Variants in SPIDR observed in about 807,000 individuals in gnomAD.
SPIDR encodes scaffold protein involved in DNA repair, also known as DNA repair-scaffolding protein.
Under a neutral mutation model 104.6 loss-of-function variants are expected in SPIDR, and 93 were observed. That is an observed-to-expected ratio of 0.89 (90% CI 0.75 to 1.06). The LOEUF is 1.06. Ranked by LOEUF, SPIDR falls within the 50% of genes least tolerant of loss-of-function variation. The pLI is 0.00. For synonymous variants in SPIDR, 431 were observed against 416.9 expected, an observed-to-expected ratio of 1.03 and a Z score of -0.41; for missense variants, 1,154 against 1,111.2, an observed-to-expected ratio of 1.04 and a Z score of -0.55.
At chr8:47,387,200 A>C (rs2060055144) in intron 5 of SPIDR, among the ~76,000 whole-genome samples, 1 of 152,228 alleles carries the variant, frequency 6.6e-6, no homozygotes, top group South Asian at 2.1e-4. Context: ...AAAGCACGTC[A>C]GAAGCGCTGG....
chr8:47,399,044 G>A (rs1563849311), intron 6 of SPIDR, among the ~76,000 whole-genome samples: 1 of 152,234 alleles, frequency 6.6e-6, no homozygotes, highest in Non-Finnish European at 1.5e-5. Flanking sequence ...ACAGCACGAT[G>A]GAACTCTGGA....
chr8:47,481,364 C>T (rs1015850907), intron 8 of SPIDR, among the ~76,000 whole-genome samples: 3 of 152,204 alleles, frequency 2.0e-5, no homozygotes, highest in Admixed American at 6.5e-5. Flanking sequence ...TGGCCAGATG[C>T]GTTGGCTCAT....
At chr8:47,401,586 C>A (rs1554662881) in intron 6 of SPIDR, among the ~76,000 whole-genome samples, 1 of 152,044 alleles carries the variant, frequency 6.6e-6, no homozygotes, top group Non-Finnish European at 1.5e-5. Flanking sequence ...TTCAGGAAAC[C>A]CATCTCACGT....
In SPIDR at chr8:47,432,305, G is replaced by C. The variant is rs555805529; in HGVS notation, c.878-8018G>C. On this transcript the variant is annotated intron_variant, in intron 7 of 19. Transcript: ENST00000297423. ...CGTCATTTGGATTTGATTTTGGAAT[G>C]TTTTATTTGTTTTTCTCTTTGGAGC... Among the ~76,000 whole-genome samples the C allele has an allele frequency of 7.2e-5, 11 of 152,272 alleles. No homozygotes were observed. The South Asian group carries it at 2.3e-3, about 32-fold the overall frequency.
At chr8:47,618,193 T>A (rs1359211221) in intron 10 of SPIDR, among the ~76,000 whole-genome samples, 1 of 152,194 alleles carries the variant, frequency 6.6e-6, no homozygotes, top group Non-Finnish European at 1.5e-5. Context: ...GGCTGGATTT[T>A]TTTTTTAAGT....
intron 5 of SPIDR, among the ~76,000 whole-genome samples, chr8:47,392,138 C>G (rs1354181818): frequency 6.6e-6 from 1 of 152,012 alleles, no homozygotes; most frequent in Non-Finnish European, 1.5e-5. Flanking sequence ...CTAACATTTG[C>G]TAAATGCTTA....
intron 11 of SPIDR, among the ~76,000 whole-genome samples, chr8:47,678,948 CCCCAGTGGGATT>C (rs2076770247): frequency 6.6e-6 from 1 of 152,102 alleles, no homozygotes; most frequent in African/African-American, 2.4e-5. Flanking sequence ...CCTTTGTAGC[CCCCAGTGGGATT>C]CCCAGCCCAC....
At chr8:47,263,375 T>C (rs2033032377) in intron 1 of SPIDR, among the ~76,000 whole-genome samples, 1 of 152,260 alleles carries the variant, frequency 6.6e-6, no homozygotes, top group South Asian at 2.1e-4. Context: ...AGTTCTCCCA[T>C]TTCTGCTGAT....
At chr8:47,408,618 A>C (rs1376326336) in intron 7 of SPIDR, among the ~76,000 whole-genome samples, 13 of 152,194 alleles carry the variant, frequency 8.5e-5, no homozygotes, top group African/African-American at 2.4e-4. Flanking sequence ...AAAAGAGATA[A>C]AAGATATCCA....
intron 16 of SPIDR, among the ~76,000 whole-genome samples, chr8:47,714,271 C>T (rs1197696191): frequency 5.3e-5 from 8 of 152,010 alleles, no homozygotes; most frequent in East Asian, 1.9e-4. Context: ...GCAGGTTGAG[C>T]GATGAATTGG....
intron 8 of SPIDR, among the ~76,000 whole-genome samples, chr8:47,550,348 A>G (rs1240823291): frequency 6.6e-6 from 1 of 152,170 alleles, no homozygotes; most frequent in Non-Finnish European, 1.5e-5. Flanking sequence ...TCTATAAATT[A>G]CCTTGGGCAG....
chr8:47,588,364 T>G (rs2060560883), intron 8 of SPIDR, among the ~76,000 whole-genome samples: 1 of 151,646 alleles, frequency 6.6e-6, no homozygotes, highest in South Asian at 2.1e-4. Context: ...GGTATGTTTT[T>G]CCCATTTTGG....
intron 16 of SPIDR, among the ~76,000 whole-genome samples, chr8:47,716,556 A>G (rs1467744543): frequency 6.6e-6 from 1 of 152,156 alleles, no homozygotes; most frequent in East Asian, 1.9e-4. Flanking sequence ...GCCTCAAAAC[A>G]CTGTTGAGAA....
chr8:47,402,075 T>C (rs142354110), intron 6 of SPIDR, among the ~76,000 whole-genome samples: 1 of 152,116 alleles, frequency 6.6e-6, no homozygotes, highest in African/African-American at 2.4e-5. Context: ...ATTCACCACA[T>C]AGTTGGAAGT....
At chr8:47,445,070 T>C (rs1220005270) in intron 8 of SPIDR, among the ~76,000 whole-genome samples, 1 of 152,206 alleles carries the variant, frequency 6.6e-6, no homozygotes, top group East Asian at 1.9e-4. Context: ...AACCTCATAG[T>C]AGAGTCTCTG....
At chr8:47,632,894 A>G (rs929831766) in intron 10 of SPIDR, among the ~76,000 whole-genome samples, 8 of 152,240 alleles carry the variant, frequency 5.3e-5, no homozygotes, top group Non-Finnish European at 2.9e-5. Context: ...GGAATCAGCC[A>G]AGGGGCCTGC....
At chr8:47,523,586 A>G (rs1174170817) in intron 8 of SPIDR, among the ~76,000 whole-genome samples, 2 of 152,158 alleles carry the variant, frequency 1.3e-5, no homozygotes, top group Admixed American at 6.5e-5. Flanking sequence ...GCTCTGCTTT[A>G]TCTTCAGTGT....
At chr8:47,660,806 T>C (rs921728913) in intron 10 of SPIDR, 16 of 285,592 alleles carry the variant, frequency 5.6e-5, no homozygotes, top group Non-Finnish European at 8.4e-5. Context: ...AGGCCTTTTA[T>C]AAAAATGCAG....
At chr8:47,372,194 TG>T (rs1299914757) in intron 5 of SPIDR, among the ~76,000 whole-genome samples, 2 of 152,226 alleles carry the variant, frequency 1.3e-5, no homozygotes, top group African/African-American at 2.4e-5. Context: ...TTCTGTACTT[TG>T]AGTTTCTGAG....
Sources: allele counts gnomAD v4.1 joint callset (sites outside exome capture counted in the v4.1 genomes callset), GRCh38; gene constraint gnomAD v4.1.1; transcripts MANE v1.5; gene names NCBI Gene and HGNC (gene_info 2026-07-23, HGNC 2026-07-21).